TNFSF4: variants seen among roughly 807,000 people sequenced by gnomAD.
TNFSF4 encodes tumor necrosis factor ligand superfamily member 4.
TNFSF4 carries 4 observed loss-of-function variants against 7.3 expected under a neutral mutation model. That is an observed-to-expected ratio of 0.55 (90% CI 0.27 to 1.25). The LOEUF (loss-of-function observed/expected upper bound fraction) is 1.25. Among genes scored for constraint, TNFSF4 ranks in the 50% most tolerant of loss-of-function variants. TNFSF4 has a pLI of 0.12. For synonymous variants in TNFSF4, 76 were observed against 83.7 expected (o/e 0.91, Z 0.50); for missense variants, 181 against 208.8 (o/e 0.87, Z 0.82).
the TNFSF4 span, among the ~76,000 whole-genome samples, chr1:173,257,193 A>G: frequency 6.6e-6 from 1 of 152,232 alleles, no homozygotes; most frequent in Non-Finnish European, 1.5e-5. Flanking sequence ...AACAACACCT[A>G]TGCACTGATG....
chr1:173,347,691 C>T, the TNFSF4 span, among the ~76,000 whole-genome samples: 2 of 152,164 alleles, frequency 1.3e-5, no homozygotes, highest in African/African-American at 2.4e-5. Context: ...TTTGAAAGAA[C>T]GAGGAACAAG....
At chr1:173,246,666 C>G in the TNFSF4 span, among the ~76,000 whole-genome samples, 1 of 152,176 alleles carries the variant, frequency 6.6e-6, no homozygotes, top group Non-Finnish European at 1.5e-5. Context: ...AATATTTTTA[C>G]CCATTTATTA....
chr1:173,209,623 G>C (rs1650310066), upstream of TNFSF4, among the ~76,000 whole-genome samples: 1 of 152,120 alleles, frequency 6.6e-6, no homozygotes, highest in Non-Finnish European at 1.5e-5. Context: ...TCCTGCCTCA[G>C]CCTCCCAAGT....
chr1:173,373,494 C>T, the TNFSF4 span, among the ~76,000 whole-genome samples: 1 of 152,162 alleles, frequency 6.6e-6, no homozygotes, highest in Non-Finnish European at 1.5e-5. Flanking sequence ...AGTACTCATA[C>T]CCCAAGCCAG....
chr1:173,257,467 G>A, the TNFSF4 span, among the ~76,000 whole-genome samples: 1 of 152,250 alleles, frequency 6.6e-6, no homozygotes, highest in Non-Finnish European at 1.5e-5. Context: ...CCAGCTGCAA[G>A]TGCAGAGGTC....
the TNFSF4 span, among the ~76,000 whole-genome samples, chr1:173,373,875 T>C: frequency 6.6e-6 from 1 of 152,206 alleles, no homozygotes; most frequent in Non-Finnish European, 1.5e-5. Flanking sequence ...AATTCCTAGA[T>C]TTGAGCTTCC....
the TNFSF4 span, among the ~76,000 whole-genome samples, chr1:173,231,929 T>G: frequency 6.6e-6 from 1 of 152,218 alleles, no homozygotes; most frequent in East Asian, 1.9e-4. Flanking sequence ...TCTTTTGGCT[T>G]AGGATTGACT....
chr1:173,422,786 C>T, the TNFSF4 span, among the ~76,000 whole-genome samples: 3 of 152,148 alleles, frequency 2.0e-5, no homozygotes, highest in Non-Finnish European at 2.9e-5. Flanking sequence ...ACTGGAATGA[C>T]GGAACACCCA....
the TNFSF4 span, among the ~76,000 whole-genome samples, chr1:173,405,971 G>A: frequency 1.3e-5 from 2 of 152,224 alleles, no homozygotes; most frequent in Middle Eastern, 3.2e-3. Flanking sequence ...TGCATGGCAC[G>A]TGGGTGTGTG....
chr1:173,404,672 G>A, the TNFSF4 span, among the ~76,000 whole-genome samples: 447 of 145,916 alleles, frequency 3.1e-3, no homozygotes, highest in Non-Finnish European at 4.4e-3. Flanking sequence ...TTGCTCTGTC[G>A]CCAGGCTGGA....
Position 173,200,721 on chromosome 1 carries a change from G to A in TNFSF4, c.153+6303C>T, listed in dbSNP as rs530214043. 7.2e-5 allele frequency among the ~76,000 whole-genome samples: 11 copies of A among 152,200 alleles called. No individual in the cohort carries two copies. In the South Asian group the frequency reaches 2.1e-3, roughly 29 times the overall value. On this transcript the variant is annotated intron_variant, in intron 1 of 2. Transcript: ENST00000281834. ...GTTTCACTGGCTTTCTAGGATGAAG[G>A]TCTGGCTGCCGCTGGGGAGCCCAGC...
chr1:173,204,217 A>G (rs1398896708), intron 1 of TNFSF4, among the ~76,000 whole-genome samples: 4 of 152,212 alleles, frequency 2.6e-5, no homozygotes, highest in African/African-American at 7.2e-5. Context: ...TATCCATTCT[A>G]TGAATATATA....
the TNFSF4 span, among the ~76,000 whole-genome samples, chr1:173,349,024 T>C: frequency 1.2e-4 from 18 of 151,850 alleles, no homozygotes; most frequent in African/African-American, 4.1e-4. Flanking sequence ...CTTGCTTGTT[T>C]TTATTATTAT....
At chr1:173,429,451 A>G in the TNFSF4 span, among the ~76,000 whole-genome samples, 1 of 152,234 alleles carries the variant, frequency 6.6e-6, no homozygotes, top group African/African-American at 2.4e-5. Flanking sequence ...AATGTGTGAC[A>G]TTCACTTGTG....
chr1:173,203,138 A>G (rs1650018367), intron 1 of TNFSF4, among the ~76,000 whole-genome samples: 1 of 152,214 alleles, frequency 6.6e-6, no homozygotes, highest in African/African-American at 2.4e-5. Flanking sequence ...AAATCTGTGT[A>G]AGGATGGTTT....
chr1:173,246,660 T>C, the TNFSF4 span, among the ~76,000 whole-genome samples: 1 of 152,212 alleles, frequency 6.6e-6, no homozygotes, highest in African/African-American at 2.4e-5. Context: ...GAGTGAAATA[T>C]TTTTACCCAT....
chr1:173,246,401 A>G, the TNFSF4 span, among the ~76,000 whole-genome samples: 3 of 152,128 alleles, frequency 2.0e-5, no homozygotes, highest in African/African-American at 7.2e-5. Flanking sequence ...CAATTCCATT[A>G]CTGGGTATAT....
the TNFSF4 span, among the ~76,000 whole-genome samples, chr1:173,444,586 C>A: frequency 6.6e-6 from 1 of 151,794 alleles, no homozygotes; most frequent in Non-Finnish European, 1.5e-5. Flanking sequence ...AAAACATATA[C>A]CTTCATTTTT....
the TNFSF4 span, among the ~76,000 whole-genome samples, chr1:173,414,392 T>C: frequency 6.6e-6 from 1 of 152,170 alleles, no homozygotes; most frequent in African/African-American, 2.4e-5. Flanking sequence ...CATTTAACCG[T>C]TACCTTCTTG....
Sources: gnomAD v4.1 joint callset for allele counts (sites outside exome capture counted in the v4.1 genomes callset) on GRCh38, gnomAD v4.1.1 for gene constraint, MANE v1.5 for transcripts, NCBI Gene and HGNC (gene_info 2026-07-23, HGNC 2026-07-21) for gene names.